The following TRIM43B variants were observed in gnomAD, a reference collection of about 807,000 sequenced individuals.
The protein encoded by TRIM43B is tripartite motif-containing protein 43B.
TRIM43B carries 15 observed loss-of-function variants against 27.0 expected under a neutral mutation model. The observed-to-expected ratio is 0.55, with a 90% CI of 0.37 to 0.85. The LOEUF (loss-of-function observed/expected upper bound fraction) is 0.85, where lower values mean the gene tolerates loss of function less well. TRIM43B is among the 40% of genes least tolerant of loss of function. The pLI, the probability that TRIM43B is intolerant of heterozygous loss-of-function variation, is 0.00. For missense variants in TRIM43B, 172 were observed against 289.8 expected, an observed-to-expected ratio of 0.59 and a Z score of 2.95; for synonymous variants, 69 against 97.8, an observed-to-expected ratio of 0.71 and a Z score of 1.74.
rs182174691 is a variant in TRIM43B, at chr2:95,483,071, G to A, written c.-4-353C>T. 1.7e-3 allele frequency among the ~76,000 whole-genome samples: 259 copies of A among 152,204 alleles called. 1 individual carries two copies. Among genetic ancestry groups the A allele is most frequent in the African/African-American group, 6.0e-3 (250 of 41,538 alleles). ...TGAGTCTTGAACGGTCTGAAAATCA[G>A]TAACAGTCTTCATTGCCAGTGATTG... On this transcript the variant is annotated intron_variant, in intron 1 of 6. Coordinates refer to ENST00000639673, the Ensembl canonical transcript of TRIM43B.
At chr2:95,483,346 A>C (rs1683572438) in intron 1 of TRIM43B, among the ~76,000 whole-genome samples, 1 of 152,164 alleles carries the variant, frequency 6.6e-6, no homozygotes, top group Non-Finnish European at 1.5e-5. Flanking sequence ...TTTAATCAAC[A>C]AAAACTTTCT....
rs1374804906 is a variant in TRIM43B, at chr2:95,484,245, G to A, written c.-5+361C>T. Among the ~76,000 whole-genome samples the A allele has an allele frequency of 1.3e-4, 19 of 151,872 alleles. 1 individual carries two copies. Among genetic ancestry groups the A allele is most frequent in the South Asian group, 6.3e-4 (3 of 4,768 alleles). On this transcript the variant is annotated intron_variant, in intron 1 of 6. Coordinates refer to ENST00000639673, the Ensembl canonical transcript of TRIM43B. ...AATTTAGATGGGCGTGGTGGCAGGC[G>A]GCTATATTTCCAGCTACTCTGGAGG...
At chr2:95,484,385 C>CAAAT (rs1177355908) in intron 1 of TRIM43B, among the ~76,000 whole-genome samples, 7 of 151,790 alleles carry the variant, frequency 4.6e-5, no homozygotes, top group African/African-American at 1.5e-4. Flanking sequence ...AATAAATAAA[C>CAAAT]AAATAAATAA....
At position 95,481,442 on chromosome 2, in the gene TRIM43B, A is replaced by G. The variant is rs182431126; in HGVS notation, c.507+153T>C. ...AAAGCATTTACAGAAAACCTGAACA[A>G]TCGTTATGTTGAACAGTCTGGTTGT... On this transcript the variant is annotated intron_variant, in intron 3 of 6. Transcript: ENST00000639673. 6.5e-3 allele frequency among the ~76,000 whole-genome samples: 984 copies of G among 152,224 alleles called. 9 individuals carry two copies. The highest frequency in any genetic ancestry group is 0.028 in the Middle Eastern group (8 of 290).
chr2:95,481,772 A>G, intron 2 of TRIM43B, 82 bp from the exon 3 acceptor site: 2 of 1,422,318 alleles, frequency 1.4e-6, no homozygotes, highest in Non-Finnish European at 1.9e-6. Flanking sequence ...CAAGGGATCT[A>G]ATATATAAAT....
intron 1 of TRIM43B, among the ~76,000 whole-genome samples, chr2:95,483,616 A>C (rs1161284417): frequency 6.6e-6 from 1 of 151,072 alleles, no homozygotes; most frequent in Non-Finnish European, 1.5e-5. Context: ...TCACGATGTC[A>C]CGAGATCAAG....
exon 2 of TRIM43B, chr2:95,482,518 G>A: frequency 6.2e-7 from 1 of 1,609,900 alleles, no homozygotes; most frequent in Non-Finnish European, 8.5e-7. Flanking sequence ...AAGAATATTG[G>A]TTTTGAAGTC....
chr2:95,483,861 C>A (rs1683585743), intron 1 of TRIM43B, among the ~76,000 whole-genome samples: 1 of 151,800 alleles, frequency 6.6e-6, no homozygotes, highest in Admixed American at 6.6e-5. Context: ...AAAAACGAGG[C>A]ACTAGACAGT....
At chr2:95,480,765 A>G (rs1026935486) in intron 3 of TRIM43B, among the ~76,000 whole-genome samples, 1 of 152,170 alleles carries the variant, frequency 6.6e-6, no homozygotes, top group Non-Finnish European at 1.5e-5. Context: ...CAATTAGAAA[A>G]CAACTAAAAT....
At chr2:95,480,343 T>C in exon 4 of TRIM43B, 1 of 1,609,944 alleles carries the variant, frequency 6.2e-7, no homozygotes, top group Non-Finnish European at 8.5e-7. Context: ...CACATTTCCA[T>C]TAGTTCCTGA....
At chr2:95,482,001 A>G (rs1044332200) in intron 2 of TRIM43B, among the ~76,000 whole-genome samples, 5 of 151,456 alleles carry the variant, frequency 3.3e-5, no homozygotes, top group Non-Finnish European at 5.9e-5. Context: ...TTGTCCAGTA[A>G]TATTAAATAT....
At chr2:95,482,272 A>T in intron 2 of TRIM43B, 32 bp downstream of exon 2, 1 of 1,604,192 alleles carries the variant, frequency 6.2e-7, no homozygotes, top group East Asian at 2.2e-5. Context: ...GCCACCCTCC[A>T]GCTTTCAGGT....
chr2:95,483,345 C>T (rs1442223646), intron 1 of TRIM43B, among the ~76,000 whole-genome samples: 4 of 152,080 alleles, frequency 2.6e-5, no homozygotes, highest in African/African-American at 4.8e-5. Context: ...ATTTAATCAA[C>T]AAAAACTTTC....
At chr2:95,483,479 C>T (rs1432011366) in intron 1 of TRIM43B, among the ~76,000 whole-genome samples, 2 of 151,998 alleles carry the variant, frequency 1.3e-5, no homozygotes, top group African/African-American at 4.8e-5. Context: ...GAAGCATTAT[C>T]ATTACTCTTT....
chr2:95,483,242 G>A (rs1338488833), intron 1 of TRIM43B, among the ~76,000 whole-genome samples: 1 of 152,086 alleles, frequency 6.6e-6, no homozygotes, highest in Non-Finnish European at 1.5e-5. Flanking sequence ...GAAAAAGCCA[G>A]CCTTTACTCT....
chr2:95,481,322 A>C (rs1353043499), intron 3 of TRIM43B, among the ~76,000 whole-genome samples: 1 of 152,162 alleles, frequency 6.6e-6, no homozygotes, highest in Non-Finnish European at 1.5e-5. Flanking sequence ...TCAATATTTC[A>C]TAATTCATTT....
At chr2:95,481,735 T>G in intron 2 of TRIM43B, 45 bp from the exon 3 acceptor site, 1 of 1,588,804 alleles carries the variant, frequency 6.3e-7, no homozygotes, top group Non-Finnish European at 8.6e-7. Context: ...ATACCAAAGA[T>G]TCCACCATCT....
At chr2:95,484,355 C>T (rs1683602931) in intron 1 of TRIM43B, among the ~76,000 whole-genome samples, 1 of 151,828 alleles carries the variant, frequency 6.6e-6, no homozygotes, top group South Asian at 2.1e-4. Context: ...GGCAATAGAG[C>T]GTGATTCCAT....
At chr2:95,481,719 A>G (rs1238041433) in intron 2 of TRIM43B, 29 bp from the exon 3 acceptor site, 1 of 1,602,800 alleles carries the variant, frequency 6.2e-7, no homozygotes, top group Admixed American at 1.7e-5. Context: ...TTGAACAGAA[A>G]GTCAAATACC....
Sources: allele counts gnomAD v4.1 joint callset (sites outside exome capture counted in the v4.1 genomes callset), GRCh38; gene constraint gnomAD v4.1.1; transcripts MANE v1.5; gene names NCBI Gene and HGNC (gene_info 2026-07-23, HGNC 2026-07-21).